CTNND2: variants seen among roughly 807,000 people sequenced by gnomAD.
The protein encoded by CTNND2 is catenin delta-2.
In CTNND2, 22 loss-of-function variants were observed where a neutral mutation model predicts 144.4. The observed-to-expected ratio is 0.15, with a 90% CI of 0.11 to 0.22. The LOEUF (loss-of-function observed/expected upper bound fraction) is 0.22, where lower values mean the gene tolerates loss of function less well. Ranked by LOEUF, CTNND2 falls within the 10% of genes least tolerant of loss-of-function variation. The probability of loss-of-function intolerance (pLI) is 1.00; values close to 1 mark genes in which losing one functional copy is unlikely to be tolerated. For missense variants in CTNND2, 1,353 were observed against 1,618.8 expected (o/e 0.84, Z 2.82); for synonymous variants, 751 against 695.6 (o/e 1.08, Z -1.25).
intron 3 of CTNND2, among the ~76,000 whole-genome samples, chr5:11,481,886 C>T (rs1233889289): frequency 6.6e-6 from 1 of 152,204 alleles, no homozygotes; most frequent in Non-Finnish European, 1.5e-5. Context: ...CCAACACGGA[C>T]AGCCTGTGCA....
At chr5:11,792,936 G>GA (rs34777577) in intron 1 of CTNND2, among the ~76,000 whole-genome samples, 1 of 152,090 alleles carries the variant, frequency 6.6e-6, no homozygotes, top group Non-Finnish European at 1.5e-5. Context: ...TATTTAGGGG[G>GA]AAAAAACGTC....
Position 11,011,604 on chromosome 5 carries a change from C to T in CTNND2, c.3084+6370G>A, listed in dbSNP as rs112738419. Reference sequence around the variant, plus strand: ...TTTGAGATTCTTAGAGCAAAATGAGCTTCAGGACCATAAGCTGAACATTGG... The same window carrying T: ...TTTGAGATTCTTAGAGCAAAATGAGTTTCAGGACCATAAGCTGAACATTGG... On this transcript the variant is annotated intron_variant, in intron 18 of 21. Coordinates refer to ENST00000304623, the MANE Select transcript of CTNND2 (RefSeq NM_001332.4). Among the ~76,000 whole-genome samples the T allele has an allele frequency of 2.6e-3, 402 of 152,290 alleles. 1 individual carries two copies. The highest frequency in any genetic ancestry group is 8.4e-3 in the African/African-American group (350 of 41,560).
At chr5:11,587,047 C>T (rs1778918605) in intron 2 of CTNND2, among the ~76,000 whole-genome samples, 1 of 152,026 alleles carries the variant, frequency 6.6e-6, no homozygotes, top group African/African-American at 2.4e-5. Flanking sequence ...CGTTTTTAAA[C>T]TCTTTATTTG....
chr5:11,600,905 G>C (rs960643512), intron 2 of CTNND2, among the ~76,000 whole-genome samples: 6 of 151,900 alleles, frequency 3.9e-5, no homozygotes, highest in African/African-American at 1.5e-4. Context: ...AGTCATCCAT[G>C]AGTGCTTGCC....
intron 1 of CTNND2, among the ~76,000 whole-genome samples, chr5:11,843,812 A>AT (rs545835230): frequency 3.4e-4 from 51 of 152,000 alleles, no homozygotes; most frequent in African/African-American, 1.2e-3. Context: ...AAAAAAACTC[A>AT]TTTTTTTTCC....
At chr5:11,161,087 T>C (rs1045157336) in intron 11 of CTNND2, among the ~76,000 whole-genome samples, 2 of 152,236 alleles carry the variant, frequency 1.3e-5, no homozygotes, top group Non-Finnish European at 2.9e-5. Flanking sequence ...AATCCTTCAG[T>C]ACAGGGGGTT....
At chr5:11,237,379 A>G (rs1741770361) in intron 9 of CTNND2, among the ~76,000 whole-genome samples, 1 of 152,230 alleles carries the variant, frequency 6.6e-6, no homozygotes, top group South Asian at 2.1e-4. Flanking sequence ...TAGATTATAT[A>G]TACAGATCAA....
intron 2 of CTNND2, among the ~76,000 whole-genome samples, chr5:11,695,041 A>G (rs868154440): frequency 2.0e-5 from 3 of 152,190 alleles, no homozygotes; most frequent in African/African-American, 7.2e-5. Context: ...AGGGTTATCG[A>G]ACAGTTAGAA....
intron 3 of CTNND2, among the ~76,000 whole-genome samples, chr5:11,442,081 T>G (rs1038345122): frequency 1.3e-5 from 2 of 152,204 alleles, no homozygotes; most frequent in Admixed American, 1.3e-4. Context: ...TAGAAAAAAT[T>G]TAGAAATTCC....
intron 1 of CTNND2, among the ~76,000 whole-genome samples, chr5:11,769,970 T>A (rs1789822763): frequency 6.6e-6 from 1 of 152,206 alleles, no homozygotes; most frequent in South Asian, 2.1e-4. Flanking sequence ...TTTGAATAAC[T>A]TTCTGTATAT....
intron 12 of CTNND2, among the ~76,000 whole-genome samples, chr5:11,131,114 T>C (rs1325253191): frequency 6.6e-6 from 1 of 152,220 alleles, no homozygotes; most frequent in Non-Finnish European, 1.5e-5. Flanking sequence ...CTAGTTGTTT[T>C]CTTCTTTCTT....
At chr5:11,738,795 A>C (rs1787839832) in intron 1 of CTNND2, among the ~76,000 whole-genome samples, 1 of 152,046 alleles carries the variant, frequency 6.6e-6, no homozygotes, top group Admixed American at 6.6e-5. Context: ...TTTTCCAGTA[A>C]GTTCCTGTGG....
At chr5:11,280,376 A>G (rs1247611875) in intron 9 of CTNND2, among the ~76,000 whole-genome samples, 1 of 152,138 alleles carries the variant, frequency 6.6e-6, no homozygotes, top group Admixed American at 6.5e-5. Flanking sequence ...ACAGAAATGC[A>G]TTTTCTCATA....
At chr5:11,005,900 A>T (rs1304501953) in intron 18 of CTNND2, among the ~76,000 whole-genome samples, 1 of 152,198 alleles carries the variant, frequency 6.6e-6, no homozygotes, top group Non-Finnish European at 1.5e-5. Context: ...CCACCATGGC[A>T]TCTGTATACC....
chr5:11,755,807 G>T (rs2126794589), intron 1 of CTNND2, among the ~76,000 whole-genome samples: 1 of 151,622 alleles, frequency 6.6e-6, no homozygotes, highest in African/African-American at 2.4e-5. Context: ...TTCTTAAAAT[G>T]GCTATTTCAT....
Position 11,827,887 on chromosome 5 carries a change from T to C in CTNND2, c.37+75930A>G, listed in dbSNP as rs1480187551. Reference sequence around the variant, plus strand: ...ATTGTATATAAGATTTTGCAAAATATAGAAGGAACTGAACACTTCTTAAAT... The same window carrying C: ...ATTGTATATAAGATTTTGCAAAATACAGAAGGAACTGAACACTTCTTAAAT... On this transcript the variant is annotated intron_variant, in intron 1 of 21. Transcript: ENST00000304623. Among the ~76,000 whole-genome samples the C allele has an allele frequency of 5.9e-5, 9 of 152,336 alleles. No homozygotes were observed. In the South Asian group the frequency reaches 1.7e-3, roughly 28 times the overall value.
chr5:11,499,797 AAGGCTCTTTTACTT>A (rs1770362444), intron 3 of CTNND2, among the ~76,000 whole-genome samples: 1 of 152,138 alleles, frequency 6.6e-6, no homozygotes, highest in African/African-American at 2.4e-5. Flanking sequence ...AATTTATCTT[AAGGCTCTTTTACTT>A]AATAGTACCT....
intron 2 of CTNND2, among the ~76,000 whole-genome samples, chr5:11,666,938 C>T (rs1426139859): frequency 6.6e-6 from 1 of 151,858 alleles, no homozygotes; most frequent in Non-Finnish European, 1.5e-5. Context: ...CCCTGACAGG[C>T]CCCAGTGTGT....
At chr5:11,299,353 C>T (rs1749337760) in intron 9 of CTNND2, among the ~76,000 whole-genome samples, 1 of 152,130 alleles carries the variant, frequency 6.6e-6, no homozygotes, top group Non-Finnish European at 1.5e-5. Context: ...CTCGTTACTG[C>T]CATCGCCTTT....
Sources: allele counts gnomAD v4.1 joint callset (sites outside exome capture counted in the v4.1 genomes callset), GRCh38; gene constraint gnomAD v4.1.1; transcripts MANE v1.5; gene names NCBI Gene and HGNC (gene_info 2026-07-23, HGNC 2026-07-21).